GPC5: variants seen among roughly 807,000 people sequenced by gnomAD.
The protein encoded by GPC5 is glypican-5.
In GPC5, 47 loss-of-function variants were observed where a neutral mutation model predicts 53.9. The observed-to-expected ratio is 0.87, with a 90% CI of 0.69 to 1.11. GPC5 has a LOEUF of 1.11. GPC5 is among the 50% of genes most tolerant of loss of function. The probability of loss-of-function intolerance (pLI) is 0.00; values close to 1 mark genes in which losing one functional copy is unlikely to be tolerated. For missense variants in GPC5, 748 were observed against 713.1 expected, an observed-to-expected ratio of 1.05 and a Z score of -0.56; for synonymous variants, 286 against 263.3, an observed-to-expected ratio of 1.09 and a Z score of -0.84.
intron 7 of GPC5, among the ~76,000 whole-genome samples, chr13:92,795,653 A>C (rs1876649712): frequency 6.6e-6 from 1 of 152,140 alleles, no homozygotes; most frequent in Non-Finnish European, 1.5e-5. Context: ...TAATATCCAG[A>C]ATCTACAAAG....
intron 7 of GPC5, among the ~76,000 whole-genome samples, chr13:92,531,492 T>C (rs1051164497): frequency 1.3e-5 from 2 of 149,946 alleles, no homozygotes; most frequent in African/African-American, 4.9e-5. Flanking sequence ...TATAAAGAGA[T>C]ATATGTTTAT....
intron 7 of GPC5, among the ~76,000 whole-genome samples, chr13:92,742,596 T>C (rs1415030369): frequency 6.6e-6 from 1 of 151,450 alleles, no homozygotes; most frequent in African/African-American, 2.4e-5. Flanking sequence ...TTAGATCCCA[T>C]TTGTCAATTT....
chr13:91,470,503 T>G (rs1484626048), intron 2 of GPC5, among the ~76,000 whole-genome samples: 1 of 152,198 alleles, frequency 6.6e-6, no homozygotes, highest in Non-Finnish European at 1.5e-5. Flanking sequence ...AGTGAAAATT[T>G]TTATGGCATC....
At chr13:92,211,070 C>T (rs2042371359) in intron 7 of GPC5, among the ~76,000 whole-genome samples, 1 of 149,930 alleles carries the variant, frequency 6.7e-6, no homozygotes, top group Non-Finnish European at 1.5e-5. Flanking sequence ...GTCGTGTTTA[C>T]TGCCTTGGAT....
At chr13:91,495,520 C>T (rs1884203840) in intron 2 of GPC5, among the ~76,000 whole-genome samples, 1 of 152,228 alleles carries the variant, frequency 6.6e-6, no homozygotes, top group African/African-American at 2.4e-5. Flanking sequence ...TCACTCTGTC[C>T]CAGCAGCAGT....
intron 6 of GPC5, among the ~76,000 whole-genome samples, chr13:91,948,232 A>T (rs1464710674): frequency 1.4e-5 from 2 of 147,992 alleles, no homozygotes; most frequent in African/African-American, 5.0e-5. Context: ...TGTCTCAAAA[A>T]AAAAAAAAAA....
intron 2 of GPC5, among the ~76,000 whole-genome samples, chr13:91,569,866 G>T (rs1335181048): frequency 6.6e-6 from 1 of 152,166 alleles, no homozygotes; most frequent in African/African-American, 2.4e-5. Flanking sequence ...CACTGAACCA[G>T]CTGGCTTCTT....
chr13:92,417,660 C>G (rs565788747), intron 7 of GPC5, among the ~76,000 whole-genome samples: 1 of 152,138 alleles, frequency 6.6e-6, no homozygotes, highest in Admixed American at 6.5e-5. Context: ...ATCTCTTGAG[C>G]CGAGGATTTC....
intron 7 of GPC5, among the ~76,000 whole-genome samples, chr13:92,739,087 C>T (rs1407934958): frequency 6.6e-6 from 1 of 152,002 alleles, no homozygotes; most frequent in Non-Finnish European, 1.5e-5. Flanking sequence ...TCACTGCCGC[C>T]TCATAAAATG....
chr13:92,581,815 G>A (rs1264103110), intron 7 of GPC5, among the ~76,000 whole-genome samples: 3 of 152,090 alleles, frequency 2.0e-5, no homozygotes, highest in Admixed American at 6.6e-5. Context: ...CTGATGATAG[G>A]TGATGCTGAG....
At chr13:92,716,428 T>C (rs1673606295) in intron 7 of GPC5, among the ~76,000 whole-genome samples, 2 of 151,892 alleles carry the variant, frequency 1.3e-5, no homozygotes, top group African/African-American at 4.8e-5. Flanking sequence ...TGACCACATC[T>C]AGAAAGTCTT....
intron 7 of GPC5, among the ~76,000 whole-genome samples, chr13:92,750,502 C>A (rs193044897): frequency 2.6e-5 from 4 of 152,020 alleles, no homozygotes; most frequent in Non-Finnish European, 5.9e-5. Context: ...GGACAATAAG[C>A]CTGAAGAGGC....
chr13:92,600,451 G>A (rs1884010098), intron 7 of GPC5, among the ~76,000 whole-genome samples: 1 of 151,892 alleles, frequency 6.6e-6, no homozygotes, highest in Admixed American at 6.6e-5. Context: ...AGTTAAGAAA[G>A]TATTCCCATG....
At chr13:91,491,801 G>A (rs1017185976) in intron 2 of GPC5, among the ~76,000 whole-genome samples, 7 of 152,118 alleles carry the variant, frequency 4.6e-5, no homozygotes, top group Non-Finnish European at 1.0e-4. Context: ...TATAAGTAAT[G>A]CATTTAAGGC....
chr13:92,064,017 A>G (rs2041145181), intron 6 of GPC5, among the ~76,000 whole-genome samples: 1 of 152,182 alleles, frequency 6.6e-6, no homozygotes, highest in African/African-American at 2.4e-5. Flanking sequence ...GAGAGCTGCC[A>G]TTTTTAAACC....
chr13:91,606,499 T>C (rs1415381084), intron 2 of GPC5, among the ~76,000 whole-genome samples: 3 of 149,984 alleles, frequency 2.0e-5, no homozygotes, highest in East Asian at 2.0e-4. Context: ...TCCCTCTTTT[T>C]CTATTGATTG....
At chr13:92,773,233 G>C (rs1376465126) in intron 7 of GPC5, among the ~76,000 whole-genome samples, 1 of 152,086 alleles carries the variant, frequency 6.6e-6, no homozygotes, top group Non-Finnish European at 1.5e-5. Context: ...TTTAATGGTA[G>C]GGCTTATGTC....
intron 5 of GPC5, among the ~76,000 whole-genome samples, chr13:91,843,280 G>T (rs1292098524): frequency 6.6e-6 from 1 of 152,116 alleles, no homozygotes; most frequent in Non-Finnish European, 1.5e-5. Flanking sequence ...TTTCATAATG[G>T]AGATATAAAC....
At chr13:91,721,628 C>T (rs895957794) in intron 3 of GPC5, among the ~76,000 whole-genome samples, 1 of 152,142 alleles carries the variant, frequency 6.6e-6, no homozygotes, top group Non-Finnish European at 1.5e-5. Flanking sequence ...GGCCAGTCTG[C>T]CTCTTGCCTC....
Sources: allele counts gnomAD v4.1 joint callset (sites outside exome capture counted in the v4.1 genomes callset), GRCh38; gene constraint gnomAD v4.1.1; transcripts MANE v1.5; gene names NCBI Gene and HGNC (gene_info 2026-07-23, HGNC 2026-07-21).